Variants in BRAF observed in about 807,000 individuals in gnomAD.
BRAF encodes the protein serine/threonine-protein kinase B-raf.
Under a neutral mutation model 104.6 loss-of-function variants are expected in BRAF, and 16 were observed. The observed-to-expected ratio is 0.15, with a 90% CI of 0.10 to 0.23. The LOEUF is 0.23. BRAF is among the 10% of genes least tolerant of loss of function. The pLI, the probability that BRAF is intolerant of heterozygous loss-of-function variation, is 1.00. For missense variants in BRAF, 541 were observed against 937.3 expected (o/e 0.58, Z 5.52); for synonymous variants, 310 against 341.6 (o/e 0.91, Z 1.02).
chr7:140,892,812 A>G (rs1814400582), intron 1 of BRAF, among the ~76,000 whole-genome samples: 1 of 152,182 alleles, frequency 6.6e-6, no homozygotes, highest in Admixed American at 6.5e-5. Context: ...ACAAAACAAT[A>G]CATCAGATCA....
chr7:140,888,782 C>T (rs1813875968), intron 1 of BRAF, among the ~76,000 whole-genome samples: 1 of 151,932 alleles, frequency 6.6e-6, no homozygotes, highest in South Asian at 2.1e-4. Flanking sequence ...TTGCAGTGGG[C>T]CGAGATTGCG....
chr7:140,893,485 G>A (rs899556520), intron 1 of BRAF, among the ~76,000 whole-genome samples: 3 of 152,018 alleles, frequency 2.0e-5, no homozygotes, highest in Non-Finnish European at 2.9e-5. Context: ...TCTTGACCTC[G>A]TGATCTGCCC....
Position 140,924,639 on chromosome 7 carries a change from T to C in BRAF, c.65A>G (p.Asp22Gly). ...AEPGQALFNG[D>G]MEPEAGAGAG... ...GCCGGCGCCGGCCTCGGGCTCCATG[T>C]CCCCGTTGAACAGAGCCTGGCCCGG... Residue 22 changes from aspartate to glycine, a missense_variant, in exon 1 of 20, where the codon GAC (aspartate) becomes GGC (glycine). By Grantham distance (94) the Asp-to-Gly change is moderately conservative. Coordinates refer to ENST00000644969, the MANE Select transcript of BRAF (RefSeq NM_001374258.1). The surrounding 1 kb of genome is among the most constrained non-coding windows in gnomAD (Gnocchi z 4.2). 1 of 1,489,322 alleles carries C rather than the reference T, an allele frequency of 6.7e-7. No homozygotes were observed. The highest frequency in any genetic ancestry group is 2.5e-5 in the East Asian group (1 of 40,160). 92.3% of individuals were successfully genotyped at this position (1,489,322 alleles called of 1,614,324 possible). A position where few individuals can be genotyped will look rare whatever the true frequency, so the allele number is the denominator to read the frequency against.
At position 140,794,425 on chromosome 7, in the gene BRAF, T is replaced by C. The variant is rs56092510; in HGVS notation, c.1023A>G (p.Pro341=). The change falls in exon 8 of 20, where the codon CCA becomes CCG. Residue 341 remains proline, a synonymous_variant. Transcript: ENST00000644969. The stretch of plus-strand genomic sequence containing the variant: ...CTGCTGGTCGGAAGGGCTGTGGAAT[T>C]GGAATGGATTTTGAAGGAGACGGAC... ...LTSPSPSKSI[P]IPQPFRPADE... is the part of the protein sequence containing the mutation. 1.7e-5 allele frequency: 27 copies of C among 1,614,024 alleles called. No homozygotes were observed. Among genetic ancestry groups the C allele is most frequent in the Non-Finnish European group, 2.2e-5 (26 of 1,179,998 alleles).
intron 3 of BRAF, among the ~76,000 whole-genome samples, chr7:140,828,834 A>G (rs1038639761): frequency 2.6e-5 from 4 of 152,236 alleles, no homozygotes; most frequent in Non-Finnish European, 2.9e-5. Flanking sequence ...GTGCTTTCCA[A>G]TAAGCTGTGA....
intron 14 of BRAF, among the ~76,000 whole-genome samples, chr7:140,766,307 G>T (rs1304525530): frequency 1.3e-4 from 20 of 152,174 alleles, no homozygotes; most frequent in African/African-American, 4.1e-4. Context: ...GGGCAGGGGG[G>T]AGGGATAGCA....
chr7:140,856,435 C>T (rs1205903728), intron 1 of BRAF, among the ~76,000 whole-genome samples: 1 of 152,046 alleles, frequency 6.6e-6, no homozygotes, highest in East Asian at 1.9e-4. Context: ...ACAAAGAAAT[C>T]AAAGCTAATA....
intron 3 of BRAF, among the ~76,000 whole-genome samples, chr7:140,816,838 A>C (rs1349492886): frequency 6.6e-6 from 1 of 152,126 alleles, no homozygotes; most frequent in Non-Finnish European, 1.5e-5. Context: ...CAGACAACAG[A>C]CCCACAGCTA....
chr7:140,739,298 T>C (rs1005412452), intron 18 of BRAF, among the ~76,000 whole-genome samples: 4 of 152,128 alleles, frequency 2.6e-5, no homozygotes, highest in Non-Finnish European at 5.9e-5. Context: ...GCAATGTGAG[T>C]GCAAAAGCGG....
rs80205355 is a variant in BRAF at position 140,773,712 on chromosome 7, T to C, written c.1814+3200A>G. ...AAACAGGCCTTTCATTTTAACCCTT[T>C]CATCCCCTGAGATAGCTGATATTGC... is the stretch of plus-strand genomic sequence containing the variant. On this transcript the variant is annotated intron_variant, in intron 14 of 19. Coordinates refer to ENST00000644969, the MANE Select transcript of BRAF (RefSeq NM_001374258.1). Among the ~76,000 whole-genome samples, 820 of 152,336 alleles carry C rather than the reference T, an allele frequency of 5.4e-3. 10 individuals are homozygous for C. The highest frequency in any genetic ancestry group is 0.019 in the African/African-American group (778 of 41,578).
At chr7:140,714,104 G>A in the BRAF span, among the ~76,000 whole-genome samples, 1 of 152,108 alleles carries the variant, frequency 6.6e-6, no homozygotes. Context: ...CAAGCTACAT[G>A]CTGGGAGAAC....
At chr7:140,806,889 T>G (rs774116679) in intron 5 of BRAF, among the ~76,000 whole-genome samples, 3 of 152,162 alleles carry the variant, frequency 2.0e-5, no homozygotes, top group Non-Finnish European at 2.9e-5. Context: ...TAATCAATCA[T>G]CTGCTTTAAG....
In BRAF at chr7:140,924,809, G is replaced by GGGCGCGGA; in HGVS notation, c.-107_-106insTCCGCGCC. 2.5e-6 allele frequency: 1 copy of GGGCGCGGA among 404,798 alleles called. No homozygotes were observed. Among genetic ancestry groups the GGGCGCGGA allele is most frequent in the South Asian group, 5.3e-5 (1 of 18,750 alleles). The allele number at this position is 404,798 out of a possible 1,614,324, so 25.1% of individuals were successfully genotyped here. A position where few individuals can be genotyped will look rare whatever the true frequency, so the allele number is the denominator to read the frequency against. On this transcript the variant is annotated 5_prime_UTR_variant, in exon 1 of 20. Transcript: ENST00000644969. This position sits in a 1 kb window ranked among gnomAD's most constrained non-coding sequence, Gnocchi z 4.2. Reference sequence around the variant, plus strand: ...GGCGGAGGCGGAGGCGGAGGAGCGGGGGGCGCGGGGGGCGCGGGGAGGAGC... The same window carrying GGGCGCGGA: ...GGCGGAGGCGGAGGCGGAGGAGCGGGGGCGCGGAGGGCGCGGGGGGCGCGGGGAGGAGC...
chr7:140,713,539 C>T, the BRAF span, among the ~76,000 whole-genome samples: 1 of 152,114 alleles, frequency 6.6e-6, no homozygotes, highest in African/African-American at 2.4e-5. Flanking sequence ...CTTTTAACTT[C>T]TTTGCCATTG....
downstream of BRAF, among the ~76,000 whole-genome samples, chr7:140,716,869 A>G (rs570431549): frequency 6.6e-6 from 1 of 152,332 alleles, no homozygotes; most frequent in African/African-American, 2.4e-5. Flanking sequence ...GAACTATTTT[A>G]TAGAAGAGGT....
At chr7:140,780,029 AAAGT>A (rs1209434996) in intron 12 of BRAF, 11 of 152,212 alleles carry the variant, frequency 7.2e-5, no homozygotes, top group Non-Finnish European at 1.5e-4. Context: ...CTCAATTATC[AAAGT>A]AATACAGTGC....
intron 14 of BRAF, among the ~76,000 whole-genome samples, chr7:140,767,021 TGAG>T (rs1454034367): frequency 6.6e-6 from 1 of 152,090 alleles, no homozygotes; most frequent in African/African-American, 2.4e-5. Context: ...TACTTATTTT[TGAG>T]ACAGAGTCTT....
intron 17 of BRAF, among the ~76,000 whole-genome samples, chr7:140,744,384 C>A (rs908557250): frequency 6.6e-6 from 1 of 152,260 alleles, no homozygotes; most frequent in African/African-American, 2.4e-5. Flanking sequence ...GAAGCTCCAA[C>A]AAGAACGCTT....
chr7:140,910,639 T>A (rs1419340432), intron 1 of BRAF, among the ~76,000 whole-genome samples: 1 of 152,142 alleles, frequency 6.6e-6, no homozygotes, highest in African/African-American at 2.4e-5. Flanking sequence ...GAGGTAATCT[T>A]GTAACACCCA....
Sources: gnomAD v4.1 joint callset for allele counts (sites outside exome capture counted in the v4.1 genomes callset) on GRCh38, gnomAD v4.1.1 for gene constraint, Gnocchi (gnomAD v3.1) non-coding constraint, MANE v1.5 for transcripts, NCBI Gene and HGNC (gene_info 2026-07-23, HGNC 2026-07-21) for gene names.